The following PLD5 variants were observed in gnomAD, a reference collection of about 807,000 sequenced individuals.
PLD5 encodes the protein inactive phospholipase D5.
In PLD5, 36 loss-of-function variants were observed where a neutral mutation model predicts 61.1. That is an observed-to-expected ratio of 0.59 (90% CI 0.45 to 0.78). The LOEUF (loss-of-function observed/expected upper bound fraction) is 0.78. PLD5 is among the 30% of genes least tolerant of loss of function. The probability of loss-of-function intolerance (pLI) is 0.00; values close to 1 mark genes in which losing one functional copy is unlikely to be tolerated. For missense variants in PLD5, 515 were observed against 644.4 expected (o/e 0.80, Z 2.17); for synonymous variants, 243 against 242.8 (o/e 1.00, Z -0.01).
At position 242,457,554 on chromosome 1, in the gene PLD5, T is replaced by C. The variant is rs115806817; in HGVS notation, c.189+66534A>G. On this transcript the variant is annotated intron_variant, in intron 1 of 9. Transcript: ENST00000536534. ...CCCCAGGTGAACGTCAATCTCCTGTTTGGATTCCTGCTAGACACCTAAAAT... is the reference window on the plus strand; with the variant it reads ...CCCCAGGTGAACGTCAATCTCCTGTCTGGATTCCTGCTAGACACCTAAAAT... Among the ~76,000 whole-genome samples, 510 of 152,294 alleles carry C rather than the reference T, an allele frequency of 3.3e-3. 5 individuals are homozygous for C. The highest frequency in any genetic ancestry group is 0.012 in the African/African-American group (490 of 41,570).
intron 1 of PLD5, among the ~76,000 whole-genome samples, chr1:242,382,482 G>C (rs938904485): frequency 1.4e-4 from 22 of 152,114 alleles, no homozygotes; most frequent in African/African-American, 5.1e-4. Flanking sequence ...TGGTGGCCTG[G>C]AAGCTAAGAA....
At chr1:242,350,332 T>C (rs397834458) in intron 1 of PLD5, among the ~76,000 whole-genome samples, 11 of 152,194 alleles carry the variant, frequency 7.2e-5, no homozygotes, top group Non-Finnish European at 1.5e-4. Context: ...TAAAAGTCTA[T>C]GTACAGCTTT....
At chr1:242,265,477 G>A in intron 3 of PLD5, 29 bp from the exon 4 acceptor site, 2 of 1,560,570 alleles carry the variant, frequency 1.3e-6, no homozygotes, top group African/African-American at 1.4e-5. Context: ...GACAAAGAAA[G>A]TCAGAAAACC....
intron 5 of PLD5, among the ~76,000 whole-genome samples, chr1:242,140,289 T>A (rs1044392510): frequency 6.6e-6 from 1 of 152,288 alleles, no homozygotes; most frequent in East Asian, 1.9e-4. Context: ...TGCAAGAAAG[T>A]CTGAGAGTTC....
intron 1 of PLD5, among the ~76,000 whole-genome samples, chr1:242,427,307 A>G (rs1665484607): frequency 6.6e-6 from 1 of 152,206 alleles, no homozygotes; most frequent in African/African-American, 2.4e-5. Flanking sequence ...CAACAGTAAT[A>G]TTTTACTAAT....
At chr1:242,161,529 A>G (rs1333628482) in intron 5 of PLD5, among the ~76,000 whole-genome samples, 3 of 152,254 alleles carry the variant, frequency 2.0e-5, no homozygotes, top group African/African-American at 2.4e-5. Flanking sequence ...TAAGTTTCCT[A>G]TATTATAAAA....
chr1:242,331,103 T>C (rs1303658157), intron 2 of PLD5, among the ~76,000 whole-genome samples: 1 of 152,198 alleles, frequency 6.6e-6, no homozygotes, highest in Non-Finnish European at 1.5e-5. Flanking sequence ...TTGTTCAATA[T>C]TACTGACTCA....
chr1:242,443,424 T>G (rs897671348), intron 1 of PLD5, among the ~76,000 whole-genome samples: 6 of 152,106 alleles, frequency 3.9e-5, no homozygotes, highest in Non-Finnish European at 8.8e-5. Context: ...GAAGGTGAAC[T>G]GGTTGGTGGG....
At chr1:242,370,426 G>A (rs1215432686) in intron 1 of PLD5, among the ~76,000 whole-genome samples, 1 of 152,094 alleles carries the variant, frequency 6.6e-6, no homozygotes, top group Admixed American at 6.6e-5. Context: ...GGGGTGAGGG[G>A]AAAGAGAGAT....
At chr1:242,319,371 T>C (rs190105657) in intron 2 of PLD5, among the ~76,000 whole-genome samples, 2 of 150,682 alleles carry the variant, frequency 1.3e-5, no homozygotes, top group Non-Finnish European at 2.9e-5. Flanking sequence ...AAATAAATAC[T>C]GATACTTACA....
At chr1:242,402,953 C>T (rs1394944041) in intron 1 of PLD5, among the ~76,000 whole-genome samples, 1 of 152,160 alleles carries the variant, frequency 6.6e-6, no homozygotes, top group African/African-American at 2.4e-5. Flanking sequence ...CTAAAAACAA[C>T]AGGAGAAAAA....
chr1:242,191,313 C>T (rs959075218), intron 5 of PLD5, among the ~76,000 whole-genome samples: 9 of 152,128 alleles, frequency 5.9e-5, no homozygotes, highest in Admixed American at 1.3e-4. Flanking sequence ...GGGCCAGGCA[C>T]GGTGGCTCAT....
chr1:242,331,445 T>C (rs1283348478), intron 2 of PLD5, among the ~76,000 whole-genome samples: 1 of 152,016 alleles, frequency 6.6e-6, no homozygotes, highest in African/African-American at 2.4e-5. Context: ...AGAAAAAGAA[T>C]AACAAAGCAC....
upstream of PLD5, among the ~76,000 whole-genome samples, chr1:242,526,478 C>T (rs1669450479): frequency 6.6e-6 from 1 of 152,186 alleles, no homozygotes. Flanking sequence ...GCTCTGTCAC[C>T]AGGCTGGAGT....
At chr1:242,259,971 T>C (rs1419655019) in intron 4 of PLD5, among the ~76,000 whole-genome samples, 2 of 152,192 alleles carry the variant, frequency 1.3e-5, no homozygotes, top group Admixed American at 6.5e-5. Context: ...AATTCAATAA[T>C]ATGACTGGGC....
At chr1:242,206,534 A>G (rs529135303) in intron 5 of PLD5, among the ~76,000 whole-genome samples, 1 of 152,354 alleles carries the variant, frequency 6.6e-6, no homozygotes, top group Non-Finnish European at 1.5e-5. Flanking sequence ...AAACTTAACT[A>G]CTAATAGCCT....
At chr1:242,279,347 T>C (rs1364567560) in intron 3 of PLD5, among the ~76,000 whole-genome samples, 2 of 152,102 alleles carry the variant, frequency 1.3e-5, no homozygotes, top group Non-Finnish European at 1.5e-5. Flanking sequence ...AATCCCCTCA[T>C]CGTTTTTAGA....
intron 1 of PLD5, among the ~76,000 whole-genome samples, chr1:242,400,282 A>T (rs1359757561): frequency 7.7e-6 from 1 of 129,740 alleles, no homozygotes; most frequent in South Asian, 3.0e-4. Flanking sequence ...TTTTGTGGAA[A>T]AATTGTTTTT....
chr1:242,394,901 T>TATATGAATAA lies in PLD5; in HGVS notation c.190-46660_190-46659insTTATTCATAT, dbSNP rs1274427144. Reference sequence around the variant, plus strand: ...ATGAATATATGTATATATATGATTATATATGAATATATATGTATATATGTA... The same window carrying TATATGAATAA: ...ATGAATATATGTATATATATGATTATATATGAATAAATATGAATATATATGTATATATGTA... On this transcript the variant is annotated intron_variant, in intron 1 of 9. Transcript: ENST00000536534. Among the ~76,000 whole-genome samples, 56 of 115,348 alleles carry TATATGAATAA rather than the reference T, an allele frequency of 4.9e-4. 2 individuals carry two copies. The highest frequency in any genetic ancestry group is 4.8e-4 in the Non-Finnish European group (26 of 54,114). 75.7% of individuals were successfully genotyped at this position (115,348 alleles called of 152,430 possible).
Sources: gnomAD v4.1 joint callset for allele counts (sites outside exome capture counted in the v4.1 genomes callset) on GRCh38, gnomAD v4.1.1 for gene constraint, MANE v1.5 for transcripts, NCBI Gene and HGNC (gene_info 2026-07-23, HGNC 2026-07-21) for gene names.